The following WWC1 variants were observed in gnomAD, a reference collection of about 807,000 sequenced individuals.
WWC1 encodes the protein WW and C2 domain containing 1.
A neutral mutation model predicts 138.4 loss-of-function variants in WWC1; 55 were observed. The observed-to-expected ratio is 0.40, with a 90% CI of 0.32 to 0.50. WWC1 has a LOEUF of 0.50. Ranked by LOEUF, WWC1 falls within the 20% of genes least tolerant of loss-of-function variation. WWC1 has a pLI of 0.72. For missense variants in WWC1, 1,226 were observed against 1,420.4 expected (o/e 0.86, Z 2.20); for synonymous variants, 524 against 564.9 (o/e 0.93, Z 1.03).
chr5:168,307,842 C>T (rs1770717738), intron 1 of WWC1, among the ~76,000 whole-genome samples: 1 of 152,054 alleles, frequency 6.6e-6, no homozygotes, highest in Admixed American at 6.6e-5. Flanking sequence ...GATCTCCTGA[C>T]CTCGTGATCT....
At chr5:168,338,027 A>G (rs1206115897) in intron 1 of WWC1, among the ~76,000 whole-genome samples, 4 of 152,098 alleles carry the variant, frequency 2.6e-5, no homozygotes, top group African/African-American at 9.7e-5. Context: ...ATGCAGTGGG[A>G]AGGCCAGGCG....
At chr5:168,399,144 G>T (rs1779126657) in intron 4 of WWC1, among the ~76,000 whole-genome samples, 1 of 152,168 alleles carries the variant, frequency 6.6e-6, no homozygotes, top group African/African-American at 2.4e-5. Context: ...GGAAAGGGAG[G>T]CTCAGGATGG....
At chr5:168,459,894 G>T (rs911048019) in intron 19 of WWC1, among the ~76,000 whole-genome samples, 7 of 152,074 alleles carry the variant, frequency 4.6e-5, no homozygotes, top group Admixed American at 3.9e-4. Context: ...CCTCCCAGGG[G>T]GTGCTGTCAT....
chr5:168,461,303 G>T (rs1233551003), intron 20 of WWC1, among the ~76,000 whole-genome samples: 1 of 152,142 alleles, frequency 6.6e-6, no homozygotes, highest in African/African-American at 2.4e-5. Context: ...CTGCACCCCA[G>T]CCTGGGCAAC....
intron 8 of WWC1, chr5:168,412,136 C>T (rs1035779055): frequency 1.0e-6 from 1 of 985,340 alleles, no homozygotes; most frequent in Non-Finnish European, 1.2e-6. Context: ...GATGGTCAGT[C>T]CTTGAGACAC....
intron 3 of WWC1, among the ~76,000 whole-genome samples, chr5:168,393,630 G>A (rs1217917188): frequency 6.6e-6 from 1 of 152,194 alleles, no homozygotes; most frequent in Non-Finnish European, 1.5e-5. Context: ...TGGAGATGAT[G>A]TTCTACCAAA....
At chr5:168,326,307 T>C (rs1772543961) in intron 1 of WWC1, among the ~76,000 whole-genome samples, 1 of 142,252 alleles carries the variant, frequency 7.0e-6, no homozygotes, top group African/African-American at 2.6e-5. Flanking sequence ...AACCTCCGCC[T>C]CCCAGGTTCA....
intron 22 of WWC1, among the ~76,000 whole-genome samples, chr5:168,468,473 G>A (rs922965370): frequency 1.3e-5 from 2 of 151,484 alleles, no homozygotes; most frequent in African/African-American, 4.9e-5. Context: ...CTCAAACAAG[G>A]TACACATGTT....
At chr5:168,402,622 C>T (rs935887184) in intron 5 of WWC1, among the ~76,000 whole-genome samples, 1 of 152,144 alleles carries the variant, frequency 6.6e-6, no homozygotes, top group African/African-American at 2.4e-5. Flanking sequence ...TCATTCTCTT[C>T]ACCCCCCTTT....
At chr5:168,327,141 C>T (rs771003683) in intron 1 of WWC1, among the ~76,000 whole-genome samples, 74 of 152,168 alleles carry the variant, frequency 4.9e-4, no homozygotes, top group Non-Finnish European at 9.0e-4. Context: ...CAGGGCTTTC[C>T]AGAGCAAATT....
At chr5:168,447,410 T>TG (rs1280909849) in intron 17 of WWC1, among the ~76,000 whole-genome samples, 1 of 152,362 alleles carries the variant, frequency 6.6e-6, no homozygotes, top group Non-Finnish European at 1.5e-5. Flanking sequence ...CCTCTGCTGT[T>TG]GCAGTGTGAA....
chr5:168,429,278 G>A (rs892538728), intron 13 of WWC1, among the ~76,000 whole-genome samples: 107 of 43,096 alleles, frequency 2.5e-3, no homozygotes, highest in African/African-American at 9.5e-3. Context: ...TTTTTTTTTT[G>A]AGACAGGGTC....
At chr5:168,294,793 T>TGA (rs1769380568) in intron 1 of WWC1, among the ~76,000 whole-genome samples, 2 of 152,104 alleles carry the variant, frequency 1.3e-5, no homozygotes, top group Admixed American at 6.6e-5. Context: ...ATCCAGCCAA[T>TGA]TTTTTGTATT....
chr5:168,403,421 CTA>C (rs993048134), intron 5 of WWC1, among the ~76,000 whole-genome samples: 3 of 152,066 alleles, frequency 2.0e-5, no homozygotes, highest in African/African-American at 7.2e-5. Flanking sequence ...TGAAGAGCAG[CTA>C]TGTCACCTGT....
intron 11 of WWC1, among the ~76,000 whole-genome samples, chr5:168,426,472 G>T (rs545582662): frequency 6.6e-6 from 1 of 152,284 alleles, no homozygotes; most frequent in Non-Finnish European, 1.5e-5. Context: ...ACAGGTCTCG[G>T]GATGGCATTT....
chr5:168,423,982 C>T lies in WWC1; in HGVS notation c.1724C>T (p.Thr575Ile). The T allele has an allele frequency of 6.2e-7, 1 of 1,614,136 alleles. No individual in the cohort carries two copies. Among genetic ancestry groups the T allele is most frequent in the Non-Finnish European group, 8.5e-7 (1 of 1,180,020 alleles). Residue 575 changes from threonine to isoleucine, a missense_variant, in exon 11 of 23, where the codon ACT (threonine) becomes ATT (isoleucine). Coordinates refer to ENST00000265293, the MANE Select transcript of WWC1 (RefSeq NM_015238.3). ...TTTGAAGACCCGGAGCTGAGTGCCA[C>T]TCTTTGTGAACTGAGCCTTGGTAAC... Reference protein sequence around the residue: ...LEFEDPELSATLCELSLGNSA... With the variant: ...LEFEDPELSAILCELSLGNSA...
At chr5:168,402,766 A>G (rs1014912257) in intron 5 of WWC1, among the ~76,000 whole-genome samples, 1 of 152,146 alleles carries the variant, frequency 6.6e-6, no homozygotes, top group African/African-American at 2.4e-5. Context: ...TCATGGCTCA[A>G]TACCTCCCTT....
chr5:168,454,119 A>T lies in WWC1; in HGVS notation c.2658+19A>T, dbSNP rs1756089060. The T allele has an allele frequency of 6.2e-7, 1 of 1,607,438 alleles. No homozygotes were observed. The highest frequency in any genetic ancestry group is 8.5e-7 in the Non-Finnish European group (1 of 1,178,104). ...ATTAAAGGTAGGAAGGGCTGGGGGG[A>T]TAGAAGGGCTGTCGTGGGGAAGGAA... On this transcript the variant is annotated intron_variant, in intron 18 of 22. Transcript: ENST00000265293.
At chr5:168,320,929 T>G (rs1420906758) in intron 1 of WWC1, among the ~76,000 whole-genome samples, 1 of 152,188 alleles carries the variant, frequency 6.6e-6, no homozygotes, top group Non-Finnish European at 1.5e-5. Context: ...GAAAGGTAGC[T>G]GCTATATATA....
Sources: allele counts gnomAD v4.1 joint callset (sites outside exome capture counted in the v4.1 genomes callset), GRCh38; gene constraint gnomAD v4.1.1; transcripts MANE v1.5; gene names NCBI Gene and HGNC (gene_info 2026-07-23, HGNC 2026-07-21).